Variants in SMAD1 observed in about 807,000 individuals in gnomAD.
The protein encoded by SMAD1 is MAD, mothers against decapentaplegic homolog 1.
In SMAD1, 6 loss-of-function variants were observed where a neutral mutation model predicts 41.6. The ratio of observed to expected loss-of-function variants is 0.14; its 90% CI spans 0.08 to 0.28. SMAD1 has a LOEUF of 0.28. SMAD1 is among the 10% of genes least tolerant of loss of function. The pLI, the probability that SMAD1 is intolerant of heterozygous loss-of-function variation, is 1.00. For synonymous variants in SMAD1, 206 were observed against 203.2 expected, an observed-to-expected ratio of 1.01 and a Z score of -0.12; for missense variants, 379 against 582.6, an observed-to-expected ratio of 0.65 and a Z score of 3.60.
intron 2 of SMAD1, among the ~76,000 whole-genome samples, chr4:145,538,943 T>C (rs1731771344): frequency 6.6e-6 from 1 of 152,154 alleles, no homozygotes. Flanking sequence ...CTCAGGAGGT[T>C]TCTGGAGGTT....
chr4:145,539,015 AGTT>A (rs1184014053), intron 2 of SMAD1, among the ~76,000 whole-genome samples: 2 of 152,240 alleles, frequency 1.3e-5, no homozygotes, highest in African/African-American at 4.8e-5. Context: ...GAGTGACAGG[AGTT>A]GTTTTCTTTG....
At chr4:145,487,329 G>T (rs1388615824) in intron 1 of SMAD1, among the ~76,000 whole-genome samples, 1 of 152,088 alleles carries the variant, frequency 6.6e-6, no homozygotes, top group African/African-American at 2.4e-5. Context: ...CAGGTCTGAG[G>T]AGAAAAAGGA....
At chr4:145,494,575 C>T (rs376365025) in intron 1 of SMAD1, among the ~76,000 whole-genome samples, 1 of 152,166 alleles carries the variant, frequency 6.6e-6, no homozygotes, top group Non-Finnish European at 1.5e-5. Flanking sequence ...TCATCAAAAT[C>T]GTGTGAACAG....
At chr4:145,534,462 A>G (rs1731500489) in intron 2 of SMAD1, among the ~76,000 whole-genome samples, 1 of 152,374 alleles carries the variant, frequency 6.6e-6, no homozygotes, top group African/African-American at 2.4e-5. Flanking sequence ...TTAAGCATGC[A>G]AACAAAACAC....
At chr4:145,496,277 G>A (rs28464746) in intron 1 of SMAD1, among the ~76,000 whole-genome samples, 7 of 152,092 alleles carry the variant, frequency 4.6e-5, no homozygotes, top group South Asian at 2.1e-4. Flanking sequence ...CAAACCAAGG[G>A]GGGGACTACT....
In SMAD1 at chr4:145,553,834, G is replaced by A. The variant is rs1030823440; in HGVS notation, c.1048G>A (p.Asp350Asn). The part of the protein sequence containing the change: ...GGEVYAECLS[D>N]SSIFVQSRNC... ...GGAGGTGTATGCCGAATGCCTTAGT[G>A]ACAGTAGCATCTTTGTGCAAAGTCG... is the stretch of plus-strand genomic sequence containing the variant. The change falls in exon 6 of 7, where the codon GAC becomes AAC. Residue 350 changes from aspartate to asparagine, a missense_variant. Coordinates refer to ENST00000302085, the MANE Select transcript of SMAD1 (RefSeq NM_005900.3). 6.2e-7 allele frequency: 1 copy of A among 1,613,884 alleles called. No homozygotes were observed. The highest frequency in any genetic ancestry group is 8.5e-7 in the Non-Finnish European group (1 of 1,179,774).
chr4:145,540,548 G>A (rs79680972), intron 3 of SMAD1, among the ~76,000 whole-genome samples: 1,778 of 152,170 alleles, frequency 0.012, 32 homozygotes, highest in African/African-American at 0.04. Flanking sequence ...CCCAAGAAAC[G>A]TATACTTTAA....
intron 5 of SMAD1, among the ~76,000 whole-genome samples, chr4:145,547,580 A>G (rs1461791187): frequency 2.0e-5 from 3 of 152,210 alleles, no homozygotes; most frequent in Non-Finnish European, 4.4e-5. Flanking sequence ...TAAATCCCGA[A>G]CTCTTTTTAG....
intron 2 of SMAD1, among the ~76,000 whole-genome samples, chr4:145,532,775 T>G (rs531703785): frequency 1.3e-5 from 2 of 152,158 alleles, no homozygotes; most frequent in African/African-American, 4.8e-5. Context: ...GCCCGAGACA[T>G]AGAACAAGTC....
intron 2 of SMAD1, among the ~76,000 whole-genome samples, chr4:145,535,648 A>G (rs1465293663): frequency 6.6e-6 from 1 of 152,208 alleles, no homozygotes; most frequent in African/African-American, 2.4e-5. Flanking sequence ...AAGAAGAAAC[A>G]CAGGATAAGC....
chr4:145,540,492 G>T (rs898999447), intron 3 of SMAD1, among the ~76,000 whole-genome samples: 1 of 152,146 alleles, frequency 6.6e-6, no homozygotes, highest in African/African-American at 2.4e-5. Flanking sequence ...TTTCCTGAGG[G>T]ATCCCACCCC....
At chr4:145,542,376 T>C (rs1731993972) in intron 3 of SMAD1, among the ~76,000 whole-genome samples, 2 of 152,218 alleles carry the variant, frequency 1.3e-5, no homozygotes, top group South Asian at 4.1e-4. Context: ...TCCCACTGAA[T>C]TTTCACAAAA....
chr4:145,490,098 A>C (rs983180643), intron 1 of SMAD1, among the ~76,000 whole-genome samples: 1 of 152,150 alleles, frequency 6.6e-6, no homozygotes, highest in East Asian at 1.9e-4. Context: ...GAAGTGAGAG[A>C]GTCTTATATT....
At chr4:145,537,033 C>T (rs1223408962) in intron 2 of SMAD1, among the ~76,000 whole-genome samples, 1 of 151,850 alleles carries the variant, frequency 6.6e-6, no homozygotes, top group Non-Finnish European at 1.5e-5. Context: ...ATGTCAGTAG[C>T]ATGAAAGCAA....
intron 2 of SMAD1, among the ~76,000 whole-genome samples, chr4:145,528,536 C>T (rs1731158591): frequency 6.6e-6 from 1 of 152,230 alleles, no homozygotes; most frequent in Admixed American, 6.5e-5. Flanking sequence ...GCTACCGCGC[C>T]TGACCATAAT....
At chr4:145,499,028 C>G (rs1370022656) in intron 1 of SMAD1, among the ~76,000 whole-genome samples, 1 of 152,142 alleles carries the variant, frequency 6.6e-6, no homozygotes, top group Non-Finnish European at 1.5e-5. Context: ...CTTCTACCAT[C>G]CTCTATAAAA....
At chr4:145,480,959 CA>C (rs112839410), upstream of SMAD1, among the ~76,000 whole-genome samples, 11 of 135,406 alleles carry the variant, frequency 8.1e-5, no homozygotes, top group South Asian at 4.7e-4. Flanking sequence ...ATTTATTCCT[CA>C]AAAAAAAATC....
chr4:145,552,700 TC>T (rs1186657890), intron 5 of SMAD1, among the ~76,000 whole-genome samples: 2 of 152,216 alleles, frequency 1.3e-5, no homozygotes, highest in African/African-American at 4.8e-5. Context: ...GCTTTCCAGT[TC>T]CTCTCTTCTC....
chr4:145,503,041 C>T (rs376907676), intron 1 of SMAD1: 3 of 152,196 alleles, frequency 2.0e-5, no homozygotes, highest in African/African-American at 4.8e-5. Flanking sequence ...TAGAATTTCA[C>T]GAACTGAACC....
Sources: gnomAD v4.1 joint callset for allele counts (sites outside exome capture counted in the v4.1 genomes callset) on GRCh38, gnomAD v4.1.1 for gene constraint, MANE v1.5 for transcripts, NCBI Gene and HGNC (gene_info 2026-07-23, HGNC 2026-07-21) for gene names.